The following DLGAP1 variants were observed in gnomAD, a reference collection of about 807,000 sequenced individuals.
DLGAP1 encodes disks large-associated protein 1.
In DLGAP1, 11 loss-of-function variants were observed where a neutral mutation model predicts 90.8. That is an observed-to-expected ratio of 0.12 (90% CI 0.08 to 0.20). The LOEUF (loss-of-function observed/expected upper bound fraction) is 0.20. Among genes scored for constraint, DLGAP1 ranks in the 10% least tolerant of loss-of-function variants. The pLI is 1.00. For synonymous variants in DLGAP1, 558 were observed against 540.7 expected (o/e 1.03, Z -0.44); for missense variants, 1,050 against 1,333.8 (o/e 0.79, Z 3.31).
chr18:3,637,944 CTTTTT>C (rs56346479), intron 7 of DLGAP1, among the ~76,000 whole-genome samples: 2 of 109,414 alleles, frequency 1.8e-5, no homozygotes, highest in Admixed American at 1.1e-4. Flanking sequence ...TGCTAGGTAG[CTTTTT>C]TTTTTTTTTT....
intron 5 of DLGAP1, chr18:3,774,232 A>G (rs3850799): frequency 0.35 from 53,920 of 152,064 alleles, 9,942 homozygotes; most frequent in African/African-American, 0.45. Context: ...GTCAAGTTCA[A>G]CCTGGGTCTG....
intron 1 of DLGAP1, among the ~76,000 whole-genome samples, chr18:4,237,053 A>G (rs894269845): frequency 6.6e-6 from 1 of 151,914 alleles, no homozygotes; most frequent in Non-Finnish European, 1.5e-5. Context: ...TGCTTTCTCC[A>G]CTCTTCTCAG....
chr18:3,719,052 G>C (rs1227969435), intron 7 of DLGAP1, among the ~76,000 whole-genome samples: 1 of 151,744 alleles, frequency 6.6e-6, no homozygotes, highest in Non-Finnish European at 1.5e-5. Context: ...TTTGACATTT[G>C]AAGCAGAAAG....
chr18:3,605,701 A>G (rs142155285), intron 7 of DLGAP1, among the ~76,000 whole-genome samples: 273 of 152,358 alleles, frequency 1.8e-3, no homozygotes, highest in African/African-American at 6.3e-3. Context: ...ATCTGTAAAC[A>G]GGAAGGGCAG....
Position 3,772,340 on chromosome 18 carries a change from CTCTCTCTCTTTCTTTCTTTCTT to C in DLGAP1, c.1173-29850_1173-29829del, listed in dbSNP as rs1568108224. On this transcript the variant is annotated intron_variant, in intron 5 of 12. Coordinates refer to ENST00000315677, the MANE Select transcript of DLGAP1 (RefSeq NM_004746.4). ...TTCCTTCCTTTCTCTCCTTCTCTCTCTCTCTCTCTTTCTTTCTTTCTTTCTTTCTTTCTTTCTTTCTTTCTTT... is the reference window on the plus strand; with the variant it reads ...TTCCTTCCTTTCTCTCCTTCTCTCTCTCTTTCTTTCTTTCTTTCTTTCTTT... 4.8e-3 allele frequency among the ~76,000 whole-genome samples: 246 copies of C among 51,310 alleles called. 6 individuals carry two copies. Among genetic ancestry groups the C allele is most frequent in the African/African-American group, 0.018 (223 of 12,496 alleles). 33.7% of individuals were successfully genotyped at this position (51,310 alleles called of 152,430 possible).
Position 4,378,728 on chromosome 18 carries a change from C to T in DLGAP1, c.-267+76278G>A, listed in dbSNP as rs957281166. ...CTTTAACTTACTACTTAATCTGAACCCATTTTATCTGTTTTTATTTCCAAC... is the reference window on the plus strand; with the variant it reads ...CTTTAACTTACTACTTAATCTGAACTCATTTTATCTGTTTTTATTTCCAAC... On this transcript the variant is annotated intron_variant, in intron 1 of 12. Transcript: ENST00000315677. This position sits in a 1 kb window ranked among gnomAD's most constrained non-coding sequence, Gnocchi z 4.5. Among the ~76,000 whole-genome samples the T allele has an allele frequency of 2.6e-5, 4 of 152,070 alleles. No homozygotes were observed. Among genetic ancestry groups the T allele is most frequent in the Admixed American group, 1.3e-4 (2 of 15,252 alleles).
At position 3,601,695 on chromosome 18, in the gene DLGAP1, A is replaced by G. The variant is rs368995864; in HGVS notation, c.1592-19447T>C. ...CTGTCTCTACCAAAAATACAAATAAATTAGCCGGTCATGGTGGCCTGCCCC... is the reference window on the plus strand; with the variant it reads ...CTGTCTCTACCAAAAATACAAATAAGTTAGCCGGTCATGGTGGCCTGCCCC... On this transcript the variant is annotated intron_variant, in intron 7 of 12. Transcript: ENST00000315677. Among the ~76,000 whole-genome samples, 67 of 151,932 alleles carry G rather than the reference A, an allele frequency of 4.4e-4. No homozygotes were observed. In the East Asian group the frequency reaches 8.0e-3, roughly 18 times the overall value.
At chr18:4,296,699 C>G (rs1274555737) in intron 1 of DLGAP1, among the ~76,000 whole-genome samples, 1 of 152,194 alleles carries the variant, frequency 6.6e-6, no homozygotes, top group Non-Finnish European at 1.5e-5. Flanking sequence ...TTCTTTACCT[C>G]TAGATGCTGG....
intron 3 of DLGAP1, chr18:3,978,570 G>A (rs947241841): frequency 1.5e-4 from 34 of 231,268 alleles, no homozygotes; most frequent in African/African-American, 7.6e-4. Flanking sequence ...GTGACCAGGT[G>A]CCCAACACGA....
intron 5 of DLGAP1, among the ~76,000 whole-genome samples, chr18:3,780,797 G>T (rs1466038884): frequency 6.6e-6 from 1 of 152,036 alleles, no homozygotes; most frequent in Non-Finnish European, 1.5e-5. Flanking sequence ...ATATGGAAAA[G>T]GATTTATTTA....
chr18:4,214,511 T>C (rs1307542421), intron 1 of DLGAP1, among the ~76,000 whole-genome samples: 1 of 152,080 alleles, frequency 6.6e-6, no homozygotes, highest in African/African-American at 2.4e-5. Flanking sequence ...ACCCACCCTG[T>C]TGGAGCTGGG....
intron 10 of DLGAP1, among the ~76,000 whole-genome samples, chr18:3,525,210 T>C (rs79097930): frequency 0.027 from 4,105 of 152,264 alleles, 160 homozygotes; most frequent in African/African-American, 0.093. Flanking sequence ...TCGTAGAAGA[T>C]GGTCATTCTT....
intron 1 of DLGAP1, among the ~76,000 whole-genome samples, chr18:4,285,510 A>C (rs2079665695): frequency 6.6e-6 from 1 of 152,204 alleles, no homozygotes; most frequent in Non-Finnish European, 1.5e-5. Context: ...GAAATTATGG[A>C]TCTTGATAAA....
At chr18:4,382,100 T>C (rs977264620) in intron 1 of DLGAP1, among the ~76,000 whole-genome samples, 2 of 152,088 alleles carry the variant, frequency 1.3e-5, no homozygotes, top group African/African-American at 4.8e-5. Context: ...GTGGGAATTA[T>C]GGGAATTACA....
chr18:4,356,121 C>G (rs574887114), intron 1 of DLGAP1, among the ~76,000 whole-genome samples: 2 of 151,962 alleles, frequency 1.3e-5, no homozygotes, highest in African/African-American at 4.8e-5. Context: ...GTCAGTTGGA[C>G]TCTGTCTTCA....
chr18:3,729,456 C>T lies in DLGAP1; in HGVS notation c.1351-81G>A. On this transcript the variant is annotated intron_variant, in intron 6 of 12. Coordinates refer to ENST00000315677, the MANE Select transcript of DLGAP1 (RefSeq NM_004746.4). The surrounding 1 kb of genome is among the most constrained non-coding windows in gnomAD (Gnocchi z 6.2). ...TCTCCAAGCATCTGCGAACTTCAAT[C>T]CCCAGAAGAAAAAGCAGCGTCTGGT... 1 of 1,529,222 alleles carries T rather than the reference C, an allele frequency of 6.5e-7. No individual in the cohort carries two copies. Among genetic ancestry groups the T allele is most frequent in the Non-Finnish European group, 8.8e-7 (1 of 1,133,572 alleles). 94.7% of individuals were successfully genotyped at this position (1,529,222 alleles called of 1,614,324 possible). A position where few individuals can be genotyped will look rare whatever the true frequency, so the allele number is the denominator to read the frequency against.
chr18:3,831,033 G>C (rs2068005528), intron 4 of DLGAP1, among the ~76,000 whole-genome samples: 1 of 152,232 alleles, frequency 6.6e-6, no homozygotes. Context: ...CGCAATGGTT[G>C]TGGGCAAACA....
chr18:4,075,670 A>G (rs2075512284), intron 2 of DLGAP1, among the ~76,000 whole-genome samples: 1 of 152,204 alleles, frequency 6.6e-6, no homozygotes, highest in Non-Finnish European at 1.5e-5. Flanking sequence ...GCTAGAAAAC[A>G]ACAACAGGCA....
intron 1 of DLGAP1, among the ~76,000 whole-genome samples, chr18:4,440,736 G>T (rs78929795): frequency 1.1e-3 from 163 of 152,306 alleles, no homozygotes; most frequent in African/African-American, 3.8e-3. Flanking sequence ...TTTTACATGT[G>T]TCTAATCTTC....
Sources: allele counts gnomAD v4.1 joint callset (sites outside exome capture counted in the v4.1 genomes callset), GRCh38; gene constraint gnomAD v4.1.1; non-coding constraint Gnocchi (gnomAD v3.1); transcripts MANE v1.5; gene names NCBI Gene and HGNC (gene_info 2026-07-23, HGNC 2026-07-21).